FAT3: variants seen among roughly 807,000 people sequenced by gnomAD.
FAT3 encodes protocadherin Fat 3.
FAT3 carries 95 observed loss-of-function variants against 310.2 expected under a neutral mutation model. That is an observed-to-expected ratio of 0.31 (90% confidence interval 0.26 to 0.36). The LOEUF (loss-of-function observed/expected upper bound fraction) is 0.36, where lower values mean the gene tolerates loss of function less well. Ranked by LOEUF, FAT3 falls within the 10% of genes least tolerant of loss-of-function variation. FAT3 has a pLI of 1.00. For synonymous variants in FAT3, 2,314 were observed against 2,192.9 expected (o/e 1.06, Z -1.54); for missense variants, 5,408 against 5,715.6 (o/e 0.95, Z 1.74).
chr11:92,271,736 A>C (rs1464367637), intron 1 of FAT3, among the ~76,000 whole-genome samples: 1 of 152,124 alleles, frequency 6.6e-6, no homozygotes, highest in Admixed American at 6.6e-5. Context: ...AGAGGTAACA[A>C]TTTGCTTTGA....
chr11:92,296,597 T>G (rs1343836711), intron 1 of FAT3, among the ~76,000 whole-genome samples: 1 of 151,962 alleles, frequency 6.6e-6, no homozygotes, highest in East Asian at 1.9e-4. Flanking sequence ...AAGTTCAACT[T>G]GTTATGGCCT....
At chr11:92,263,350 CATATT>C (rs1005633573) in intron 1 of FAT3, among the ~76,000 whole-genome samples, 2 of 151,834 alleles carry the variant, frequency 1.3e-5, no homozygotes, top group Admixed American at 1.3e-4. Context: ...CACACACACA[CATATT>C]ATATAATGTT....
intron 1 of FAT3, among the ~76,000 whole-genome samples, chr11:92,287,633 A>G (rs191635937): frequency 6.6e-6 from 1 of 152,208 alleles, no homozygotes; most frequent in Admixed American, 6.5e-5. Flanking sequence ...GTTTCTCCTA[A>G]TTGGTCAGGA....
chr11:92,413,626 A>G (rs1950344993), intron 2 of FAT3, among the ~76,000 whole-genome samples: 1 of 152,162 alleles, frequency 6.6e-6, no homozygotes, highest in African/African-American at 2.4e-5. Context: ...TTGCCATAAG[A>G]GGCCCCTTCA....
At chr11:92,446,959 A>C (rs1378518352) in intron 2 of FAT3, among the ~76,000 whole-genome samples, 4 of 152,184 alleles carry the variant, frequency 2.6e-5, no homozygotes, top group African/African-American at 9.6e-5. Flanking sequence ...TGTATTTCCA[A>C]CACTGTCTAC....
At chr11:92,648,905 C>T (rs1188804443) in intron 3 of FAT3, among the ~76,000 whole-genome samples, 1 of 152,182 alleles carries the variant, frequency 6.6e-6, no homozygotes, top group Admixed American at 6.5e-5. Context: ...TGCAAAGTAT[C>T]TCTGGATTAC....
intron 2 of FAT3, among the ~76,000 whole-genome samples, chr11:92,388,249 C>T (rs1484003880): frequency 6.6e-6 from 1 of 152,088 alleles, no homozygotes; most frequent in Non-Finnish European, 1.5e-5. Context: ...CACCTTGTGG[C>T]TGAATCTATC....
At chr11:92,688,289 C>T (rs1006082182) in intron 3 of FAT3, among the ~76,000 whole-genome samples, 17 of 152,038 alleles carry the variant, frequency 1.1e-4, no homozygotes, top group African/African-American at 3.1e-4. Context: ...CGGATCAGAA[C>T]GTTGTGGAAT....
chr11:92,746,544 A>C (rs575361339), intron 4 of FAT3, among the ~76,000 whole-genome samples: 1 of 152,164 alleles, frequency 6.6e-6, no homozygotes, highest in Non-Finnish European at 1.5e-5. Context: ...CCCAAATCTC[A>C]TGTCCTCACA....
chr11:92,449,296 T>C (rs1183530301), intron 2 of FAT3, among the ~76,000 whole-genome samples: 1 of 152,160 alleles, frequency 6.6e-6, no homozygotes, highest in African/African-American at 2.4e-5. Context: ...GAGCATGTGA[T>C]GGCTGAATCT....
intron 3 of FAT3, among the ~76,000 whole-genome samples, chr11:92,589,355 T>C (rs1939313315): frequency 6.6e-6 from 1 of 152,096 alleles, no homozygotes; most frequent in Admixed American, 6.6e-5. Context: ...CAAGTGGCAG[T>C]CTTCACCACA....
chr11:92,869,833 T>A (rs1228386588), intron 22 of FAT3, among the ~76,000 whole-genome samples: 1 of 152,150 alleles, frequency 6.6e-6, no homozygotes, highest in Non-Finnish European at 1.5e-5. Context: ...CTTCAAGAAT[T>A]CCCTCTGGCT....
Position 92,800,244 on chromosome 11 carries a change from C to T in FAT3, c.7231C>T (p.His2411Tyr). The change falls in exon 10 of 28, where the codon CAT becomes TAT. Residue 2411 changes from histidine (H) to tyrosine (Y), a missense_variant. This residue lies in a region of FAT3 where 4,588 missense variants were observed against 4,809.8 expected (regional missense o/e 0.95). Transcript: ENST00000525166. Reference protein sequence around the residue: ...SYVSELAPRGHFVTCVQASDA... With the variant: ...SYVSELAPRGYFVTCVQASDA... ...TGTGAGTGAATTAGCCCCCCGGGGC[C>T]ATTTTGTAACCTGTGTACAAGCCTC... The T allele has an allele frequency of 1.2e-6, 2 of 1,613,966 alleles. No individual in the cohort carries two copies. The highest frequency in any genetic ancestry group is 1.7e-6 in the Non-Finnish European group (2 of 1,179,876).
intron 2 of FAT3, among the ~76,000 whole-genome samples, chr11:92,428,252 A>T (rs1299069939): frequency 1.4e-4 from 18 of 133,244 alleles, no homozygotes; most frequent in South Asian, 2.3e-4. Context: ...TGTCTATTTG[A>T]TTCTTCTCTG....
intron 2 of FAT3, among the ~76,000 whole-genome samples, chr11:92,438,129 A>G (rs1950985237): frequency 6.6e-6 from 1 of 152,234 alleles, no homozygotes; most frequent in Admixed American, 6.5e-5. Flanking sequence ...TAATGTAAAT[A>G]TCTAAAAAGG....
intron 2 of FAT3, among the ~76,000 whole-genome samples, chr11:92,390,634 A>G (rs900630918): frequency 3.9e-5 from 6 of 152,074 alleles, no homozygotes; most frequent in Non-Finnish European, 8.8e-5. Context: ...CTTTTTCTAT[A>G]AGGAGAATGA....
intron 8 of FAT3, among the ~76,000 whole-genome samples, chr11:92,790,968 A>T (rs1947026545): frequency 6.6e-6 from 1 of 152,184 alleles, no homozygotes; most frequent in South Asian, 2.1e-4. Context: ...AGGTAGAAGG[A>T]CAGACTTAAT....
intron 1 of FAT3, among the ~76,000 whole-genome samples, chr11:92,247,568 T>A (rs1050231732): frequency 3.3e-5 from 5 of 152,006 alleles, no homozygotes; most frequent in Non-Finnish European, 4.4e-5. Context: ...AGGGAGTCAT[T>A]TTTCAATTTC....
At chr11:92,780,827 C>T (rs1946726866) in intron 7 of FAT3, among the ~76,000 whole-genome samples, 1 of 152,112 alleles carries the variant, frequency 6.6e-6, no homozygotes, top group Non-Finnish European at 1.5e-5. Flanking sequence ...GCTCTAACTT[C>T]AACCCACTGA....
Sources: allele counts gnomAD v4.1 joint callset (sites outside exome capture counted in the v4.1 genomes callset), GRCh38; gene constraint gnomAD v4.1.1; regional missense constraint gnomAD v4.1.1; transcripts MANE v1.5; gene names NCBI Gene and HGNC (gene_info 2026-07-23, HGNC 2026-07-21).